The following MLIP variants were observed in gnomAD, a reference collection of about 807,000 sequenced individuals.
The protein encoded by MLIP is muscular LMNA-interacting protein.
In MLIP, 79 loss-of-function variants were observed where a neutral mutation model predicts 84.8. The observed-to-expected ratio is 0.93, with a 90% confidence interval of 0.78 to 1.12. The LOEUF (loss-of-function observed/expected upper bound fraction) is 1.12, where lower values mean the gene tolerates loss of function less well. MLIP is among the 50% of genes most tolerant of loss of function. The pLI, the probability that MLIP is intolerant of heterozygous loss-of-function variation, is 0.00. For synonymous variants in MLIP, 504 were observed against 463.0 expected, an observed-to-expected ratio of 1.09 and a Z score of -1.14; for missense variants, 1,257 against 1,160.6, an observed-to-expected ratio of 1.08 and a Z score of -1.21.
At position 54,202,169 on chromosome 6, in the gene MLIP, A is replaced by T; in HGVS notation, c.2654A>T (p.Glu885Val). Reference sequence around the variant, plus strand: ...AGAATATTACTGAAAAAAGAGGAGGAAGTCTATGAACCCAACCCTTTCAGT... The same window carrying T: ...AGAATATTACTGAAAAAAGAGGAGGTAGTCTATGAACCCAACCCTTTCAGT... ...KSRILLKKEE[E>V]VYEPNPFSKY... The change falls in exon 11 of 14, where the codon GAA (glutamate) becomes GTA (valine). Residue 885 changes from glutamate (E) to valine (V), a missense_variant. Coordinates refer to ENST00000502396, the MANE Select transcript of MLIP (RefSeq NM_001281747.2). 6.2e-7 allele frequency: 1 copy of T among 1,602,646 alleles called. No homozygotes were observed.
At chr6:54,104,778 C>T (rs1768894779) in intron 1 of MLIP, among the ~76,000 whole-genome samples, 1 of 152,060 alleles carries the variant, frequency 6.6e-6, no homozygotes, top group Non-Finnish European at 1.5e-5. Flanking sequence ...TAAAAGAAGG[C>T]TCTGTGGACT....
chr6:54,186,525 G>A (rs934426590), intron 9 of MLIP, among the ~76,000 whole-genome samples: 1 of 152,212 alleles, frequency 6.6e-6, no homozygotes, highest in African/African-American at 2.4e-5. Context: ...AAAGAAAAGA[G>A]GTTTAATTGA....
chr6:54,222,538 T>C (rs764796412), intron 11 of MLIP, among the ~76,000 whole-genome samples: 7 of 152,134 alleles, frequency 4.6e-5, no homozygotes, highest in Non-Finnish European at 5.9e-5. Flanking sequence ...TTGTCACAGA[T>C]GGCAGGATTT....
chr6:54,149,031 C>G lies in MLIP; in HGVS notation c.2218-25C>G, dbSNP rs115788553. 505 of 1,601,232 alleles carry G rather than the reference C, an allele frequency of 3.2e-4. No individual in the cohort carries two copies. The African/African-American group carries it at 5.8e-3, about 18-fold the overall frequency. On this transcript the variant is annotated intron_variant, in intron 4 of 13. Transcript: ENST00000502396. ...ATTCTTTCCCATTTTCATCTCTACT[C>G]TTGCTTTCTGGTTGCCCATTCTAGC...
intron 12 of MLIP, among the ~76,000 whole-genome samples, chr6:54,250,315 C>T (rs1782380881): frequency 6.6e-6 from 1 of 151,930 alleles, no homozygotes; most frequent in South Asian, 2.1e-4. Flanking sequence ...TCCTCAAAGA[C>T]CTAGAGACAC....
chr6:54,135,924 T>C (rs951258926), intron 3 of MLIP, among the ~76,000 whole-genome samples: 1 of 152,192 alleles, frequency 6.6e-6, no homozygotes, highest in Non-Finnish European at 1.5e-5. Context: ...TTGGTTTCTT[T>C]ATTTCCTCTT....
At chr6:54,067,542 T>C (rs1366232399) in intron 1 of MLIP, among the ~76,000 whole-genome samples, 1 of 101,726 alleles carries the variant, frequency 9.8e-6, no homozygotes, top group African/African-American at 2.5e-5. Flanking sequence ...TTCACTTCTT[T>C]AGAATTATCA....
intron 1 of MLIP, among the ~76,000 whole-genome samples, chr6:54,102,000 T>C (rs892928627): frequency 6.6e-6 from 1 of 152,062 alleles, no homozygotes; most frequent in Admixed American, 6.6e-5. Flanking sequence ...AGAAAGAAGA[T>C]CCTGGCTGGC....
chr6:54,231,227 A>G (rs538312852), intron 12 of MLIP, among the ~76,000 whole-genome samples: 1 of 152,312 alleles, frequency 6.6e-6, no homozygotes, highest in East Asian at 1.9e-4. Flanking sequence ...ACAAAATGCC[A>G]TTATTAATTT....
rs1779535174 is a variant in MLIP at position 54,212,559 on chromosome 6, G to A, written c.2718+10326G>A. On this transcript the variant is annotated intron_variant, in intron 11 of 13. Coordinates refer to ENST00000502396, the MANE Select transcript of MLIP (RefSeq NM_001281747.2). Reference sequence around the variant, plus strand: ...TATGTGTGCCTGTGTGTGTGCGCCTGTGTGTGTGCACATGCATGGGCTTGC... The same window carrying A: ...TATGTGTGCCTGTGTGTGTGCGCCTATGTGTGTGCACATGCATGGGCTTGC... Among the ~76,000 whole-genome samples, 3 of 152,354 alleles carry A rather than the reference G, an allele frequency of 2.0e-5. No homozygotes were observed. In the South Asian group the frequency reaches 6.2e-4, roughly 32 times the overall value.
At chr6:54,097,418 C>T (rs573116848) in intron 1 of MLIP, among the ~76,000 whole-genome samples, 7 of 152,226 alleles carry the variant, frequency 4.6e-5, no homozygotes, top group Admixed American at 1.3e-4. Flanking sequence ...CATAGCCATA[C>T]GTACTAGTAA....
chr6:54,109,054 T>C (rs934644060), upstream of MLIP, among the ~76,000 whole-genome samples: 3 of 149,872 alleles, frequency 2.0e-5, no homozygotes, highest in African/African-American at 7.3e-5. Context: ...TTCATATATA[T>C]ATATGTCTTT....
chr6:54,190,709 A>G (rs1381322256), intron 10 of MLIP, among the ~76,000 whole-genome samples: 1 of 152,072 alleles, frequency 6.6e-6, no homozygotes, highest in Non-Finnish European at 1.5e-5. Flanking sequence ...ATTTTATCTT[A>G]TAGAGTTTTG....
chr6:54,186,237 C>G (rs1777379192), intron 9 of MLIP, among the ~76,000 whole-genome samples: 1 of 152,150 alleles, frequency 6.6e-6, no homozygotes, highest in Non-Finnish European at 1.5e-5. Flanking sequence ...TCAAAATAAG[C>G]TCTGAAATAT....
chr6:54,105,508 A>T (rs1209659090), intron 1 of MLIP, among the ~76,000 whole-genome samples: 1 of 152,228 alleles, frequency 6.6e-6, no homozygotes, highest in South Asian at 2.1e-4. Flanking sequence ...TACATGCCAC[A>T]TACTACTCTA....
At chr6:54,057,636 G>A (rs931874998) in intron 1 of MLIP, among the ~76,000 whole-genome samples, 4 of 152,168 alleles carry the variant, frequency 2.6e-5, no homozygotes, top group Admixed American at 2.6e-4. Flanking sequence ...ATTTCTGCTA[G>A]ATCACGTCCA....
chr6:54,120,437 C>G (rs1171100920), intron 1 of MLIP, among the ~76,000 whole-genome samples: 1 of 152,104 alleles, frequency 6.6e-6, no homozygotes, highest in Non-Finnish European at 1.5e-5. Flanking sequence ...TGGGGTTTCA[C>G]CATGTTAGCC....
At chr6:54,160,906 A>G in intron 8 of MLIP, 107 bp downstream of exon 8, 1 of 836,076 alleles carries the variant, frequency 1.2e-6, no homozygotes, top group Non-Finnish European at 1.9e-6. Flanking sequence ...AAATTTAGTG[A>G]ATAGCAATCA....
intron 1 of MLIP, chr6:54,019,138 G>A: frequency 6.3e-7 from 1 of 1,589,084 alleles, no homozygotes; most frequent in Non-Finnish European, 8.6e-7. Flanking sequence ...GAAATTGACA[G>A]GGTAGTAGAG....
Sources: allele counts gnomAD v4.1 joint callset (sites outside exome capture counted in the v4.1 genomes callset), GRCh38; gene constraint gnomAD v4.1.1; transcripts MANE v1.5; gene names NCBI Gene and HGNC (gene_info 2026-07-23, HGNC 2026-07-21).